JKAMP: variants seen among roughly 807,000 people sequenced by gnomAD.
JKAMP encodes JNK1/MAPK8 associated membrane protein, also known as JNK1/MAPK8-associated membrane protein.
Under a neutral mutation model 40.2 loss-of-function variants are expected in JKAMP, and 20 were observed. The observed-to-expected ratio is 0.50, with a 90% CI of 0.35 to 0.72. JKAMP has a LOEUF of 0.72. JKAMP is among the 30% of genes least tolerant of loss of function. The pLI, the probability that JKAMP is intolerant of heterozygous loss-of-function variation, is 0.01. For synonymous variants in JKAMP, 138 were observed against 131.6 expected, an observed-to-expected ratio of 1.05 and a Z score of -0.33; for missense variants, 276 against 373.0, an observed-to-expected ratio of 0.74 and a Z score of 2.14.
chr14:59,484,551 C>T lies in JKAMP; in HGVS notation c.-39C>T, dbSNP rs1400757046. 1 of 1,565,832 alleles carries T rather than the reference C, an allele frequency of 6.4e-7. No individual in the cohort carries two copies. ...ATGTTCGGTGCAGCTGCCAGATCCG[C>T]TGATCTAGTGCTTCTCGAAAAAAAC... On this transcript the variant is annotated 5_prime_UTR_variant, in exon 1 of 7. Coordinates refer to ENST00000616435, the MANE Select transcript of JKAMP (RefSeq NM_016475.5).
chr14:59,498,223 A>G (rs929945333), intron 4 of JKAMP, among the ~76,000 whole-genome samples: 18 of 152,330 alleles, frequency 1.2e-4, no homozygotes, highest in African/African-American at 4.3e-4. Flanking sequence ...ATGACATGCT[A>G]TCTTGTAAGT....
At chr14:59,484,616 G>T in intron 1 of JKAMP, 23 bp downstream of exon 1, 1 of 1,577,998 alleles carries the variant, frequency 6.3e-7, no homozygotes, top group Non-Finnish European at 8.6e-7. Flanking sequence ...CAAGATCCCG[G>T]GAAGCGTTTC....
chr14:59,484,752 C>T (rs1890389787), intron 1 of JKAMP, 159 bp downstream of exon 1: 7 of 1,036,568 alleles, frequency 6.8e-6, no homozygotes, highest in East Asian at 2.6e-5. Context: ...CGCACTCCTG[C>T]GGGGTTGGGG....
intron 3 of JKAMP, among the ~76,000 whole-genome samples, chr14:59,493,938 G>T (rs1891225603): frequency 6.6e-6 from 1 of 152,166 alleles, no homozygotes; most frequent in Non-Finnish European, 1.5e-5. Flanking sequence ...TGGCAAATTA[G>T]TTGGGAAGGT....
Position 59,486,761 on chromosome 14 carries a change from T to C in JKAMP, c.53T>C (p.Leu18Pro). ...ACLGLYCGKT[L>P]LFKNGSTEIY... is the part of the protein sequence containing the mutation. ...CTTGGACTTTATTGTGGGAAGACCC[T>C]ATTATTTAAAAATGGCTCAACTGAA... The change falls in exon 2 of 7, where the codon CTA (leucine) becomes CCA (proline). Residue 18 changes from leucine to proline, a missense_variant. Coordinates refer to ENST00000616435, the MANE Select transcript of JKAMP (RefSeq NM_016475.5). 6.3e-7 allele frequency: 1 copy of C among 1,595,924 alleles called. No homozygotes were observed. The highest frequency in any genetic ancestry group is 8.5e-7 in the Non-Finnish European group (1 of 1,169,876).
In JKAMP at chr14:59,495,132, A is replaced by G; in HGVS notation, c.366A>G (p.Val122=). Residue 122 remains valine (V), a synonymous_variant, in exon 4 of 7, where the codon GTA becomes GTG. Transcript: ENST00000616435. ...TTCTTTATATTCGTTCATGTCGAGT[A>G]TTGATGCTTTCTGACTGGTACACGA... ...VGVLYIRSCR[V]LMLSDWYTML... 10 of 1,613,720 alleles carry G rather than the reference A, an allele frequency of 6.2e-6. No homozygotes were observed. Among genetic ancestry groups the G allele is most frequent in the Non-Finnish European group, 8.5e-6 (10 of 1,179,676 alleles).
chr14:59,499,042 T>G (rs1891665498), intron 5 of JKAMP, 134 bp downstream of exon 5: 2 of 444,794 alleles, frequency 4.5e-6, no homozygotes, highest in South Asian at 3.5e-5. Context: ...TTTTTTTTTT[T>G]GTGATGGAAT....
At chr14:59,488,209 C>T (rs1467523066) in intron 3 of JKAMP, among the ~76,000 whole-genome samples, 1 of 151,520 alleles carries the variant, frequency 6.6e-6, no homozygotes, top group East Asian at 1.9e-4. Flanking sequence ...ATAGCTGTAA[C>T]CTAATACAAA....
Position 59,496,965 on chromosome 14 carries a change from G to A in JKAMP, c.458+1741G>A, listed in dbSNP as rs993382759. On this transcript the variant is annotated intron_variant, in intron 4 of 6. Transcript: ENST00000616435. ...TGGTCAGACTGGGCTAAGCACTTCCGAAGGTTGTAGGGCTACCACAAGTCA... is the reference window on the plus strand; with the variant it reads ...TGGTCAGACTGGGCTAAGCACTTCCAAAGGTTGTAGGGCTACCACAAGTCA... Among the ~76,000 whole-genome samples the A allele has an allele frequency of 4.9e-5, 6 of 121,848 alleles. No homozygotes were observed. In the South Asian group the frequency reaches 6.9e-4, roughly 14 times the overall value. The allele number at this position is 121,848 out of a possible 152,430, so 79.9% of individuals were successfully genotyped here.
chr14:59,485,153 A>AT (rs1566571147), intron 1 of JKAMP: 3 of 1,593,606 alleles, frequency 1.9e-6, no homozygotes, highest in Non-Finnish European at 2.5e-6. Context: ...TCAGTTTATC[A>AT]TACTGGTTTT....
chr14:59,505,352 G>A lies in JKAMP; in HGVS notation c.*1280G>A. 1 of 1,160,980 alleles carries A rather than the reference G, an allele frequency of 8.6e-7. No homozygotes were observed. The highest frequency in any genetic ancestry group is 1.6e-5 in the South Asian group (1 of 64,070). The allele number at this position is 1,160,980 out of a possible 1,614,324, so 71.9% of individuals were successfully genotyped here. A position where few individuals can be genotyped will look rare whatever the true frequency, so the allele number is the denominator to read the frequency against. On this transcript the variant is annotated 3_prime_UTR_variant, in exon 7 of 7. Transcript: ENST00000616435. The stretch of plus-strand genomic sequence containing the variant: ...AAAAATAAATATAAAAATTTTATTT[G>A]TATTGCACACATTTGGGGGGTTATT...
At chr14:59,492,164 T>A (rs1891067016) in intron 3 of JKAMP, among the ~76,000 whole-genome samples, 1 of 152,042 alleles carries the variant, frequency 6.6e-6, no homozygotes, top group Non-Finnish European at 1.5e-5. Context: ...AGTCACAAGC[T>A]GTCCATAACA....
At position 59,487,828 on chromosome 14, in the gene JKAMP, G is replaced by T; in HGVS notation, c.251G>T (p.Ser84Ile). 1 of 1,613,000 alleles carries T rather than the reference G, an allele frequency of 6.2e-7. No individual in the cohort carries two copies. Among genetic ancestry groups the T allele is most frequent in the Non-Finnish European group, 8.5e-7 (1 of 1,179,188 alleles). The change falls in exon 3 of 7, where the codon AGT (serine) becomes ATT (isoleucine). Residue 84 changes from serine (S) to isoleucine (I), a missense_variant and splice_region_variant. By Grantham distance (142) the Ser-to-Ile change is moderately radical (BLOSUM62 -2). Coordinates refer to ENST00000616435, the MANE Select transcript of JKAMP (RefSeq NM_016475.5). ...ATTGAATGGTACTCGGGGAAAAAGA[G>T]GTTAGCACATTTCTATGAACATATC... The part of the protein sequence containing the change: ...FFIEWYSGKK[S>I]SSALFQHITA...
intron 3 of JKAMP, among the ~76,000 whole-genome samples, chr14:59,491,407 G>C (rs910851002): frequency 6.6e-6 from 1 of 152,178 alleles, no homozygotes; most frequent in Admixed American, 6.5e-5. Flanking sequence ...GCTGTAGATA[G>C]GTTGAAAGAG....
At position 59,498,830 on chromosome 14, in the gene JKAMP, C is replaced by T; in HGVS notation, c.562C>T (p.Arg188Ter). 6.2e-7 allele frequency: 1 copy of T among 1,611,622 alleles called. No individual in the cohort carries two copies. Among genetic ancestry groups the T allele is most frequent in the Non-Finnish European group, 8.5e-7 (1 of 1,178,266 alleles). Residue 188 changes from arginine to a stop codon, truncating the protein, a stop_gained, in exon 5 of 7, where the codon CGA becomes TGA. Transcript: ENST00000616435. LOFTEE classifies it high-confidence loss of function. The stretch of plus-strand genomic sequence containing the variant: ...TGCATGTGGGTTAGGGAAATCTGAT[C>T]GATTTAAAAGTATTTATGCTGCACT... ...KIACGLGKSD[R>*]FKSIYAALYF...
At position 59,487,701 on chromosome 14, in the gene JKAMP, G is replaced by A. The variant is rs1430847306; in HGVS notation, c.124G>A (p.Ala42Thr). 1 of 1,613,200 alleles carries A rather than the reference G, an allele frequency of 6.2e-7. No individual in the cohort carries two copies. Among genetic ancestry groups the A allele is most frequent in the Admixed American group, 1.7e-5 (1 of 60,030 alleles). ...ATGCCCAAGAGGACAGAGAACGAAT[G>A]CACAGAAATATTGTCAGCCTTGCAC... ...GVCPRGQRTNAQKYCQPCTES... is the reference protein window; with the variant it reads ...GVCPRGQRTNTQKYCQPCTES... The change falls in exon 3 of 7, where the codon GCA becomes ACA. Residue 42 changes from alanine (A) to threonine (T), a missense_variant. Coordinates refer to ENST00000616435, the MANE Select transcript of JKAMP (RefSeq NM_016475.5).
intron 3 of JKAMP, among the ~76,000 whole-genome samples, chr14:59,494,624 T>A (rs1253114): frequency 0.43 from 65,343 of 152,060 alleles, 15,858 homozygotes; most frequent in African/African-American, 0.66. Context: ...GGAACAAAGA[T>A]GTAGTTACAA....
At chr14:59,493,541 CAG>C (rs1891195063) in intron 3 of JKAMP, among the ~76,000 whole-genome samples, 1 of 152,142 alleles carries the variant, frequency 6.6e-6, no homozygotes, top group Non-Finnish European at 1.5e-5. Flanking sequence ...ATAATGGAAA[CAG>C]TGTTCAAGTA....
Position 59,505,311 on chromosome 14 carries a change from C to A in JKAMP, c.*1239C>A, listed in dbSNP as rs1463408386. ...GAACCCTTGTACGAATGTGTTTCTT[C>A]TTCTCTGTAGGAATAAAAAATAAAT... On this transcript the variant is annotated 3_prime_UTR_variant, in exon 7 of 7. Transcript: ENST00000616435. 2 of 1,481,234 alleles carry A rather than the reference C, an allele frequency of 1.4e-6. No homozygotes were observed. The highest frequency in any genetic ancestry group is 2.6e-5 in the South Asian group (2 of 77,268). The allele number at this position is 1,481,234 out of a possible 1,614,324, so 91.8% of individuals were successfully genotyped here.
Sources: gnomAD v4.1 joint callset for allele counts (sites outside exome capture counted in the v4.1 genomes callset) on GRCh38, gnomAD v4.1.1 for gene constraint, MANE v1.5 for transcripts, NCBI Gene and HGNC (gene_info 2026-07-23, HGNC 2026-07-21) for gene names.